IPO5: variants seen among roughly 807,000 people sequenced by gnomAD.
The protein encoded by IPO5 is importin-5.
In IPO5, 18 loss-of-function variants were observed where a neutral mutation model predicts 143.3. The ratio of observed to expected loss-of-function variants is 0.13; its 90% CI spans 0.09 to 0.19. The LOEUF (loss-of-function observed/expected upper bound fraction) is 0.19, where lower values mean the gene tolerates loss of function less well. Ranked by LOEUF, IPO5 falls within the 10% of genes least tolerant of loss-of-function variation. IPO5 has a pLI of 1.00. For missense variants in IPO5, 1,013 were observed against 1,336.9 expected (o/e 0.76, Z 3.78); for synonymous variants, 477 against 465.7 (o/e 1.02, Z -0.31).
intron 20 of IPO5, among the ~76,000 whole-genome samples, chr13:98,010,989 C>T (rs1381090492): frequency 6.6e-6 from 1 of 151,686 alleles, no homozygotes; most frequent in African/African-American, 2.4e-5. Flanking sequence ...CCATTTTGGC[C>T]AGGCTGGTTT....
intron 11 of IPO5, among the ~76,000 whole-genome samples, chr13:97,995,513 TGGGAGGCCGAGGCAGGTG>T: frequency 6.6e-6 from 1 of 151,710 alleles, no homozygotes; most frequent in Admixed American, 6.6e-5. Flanking sequence ...CTCAGCACTT[TGGGAGGCCGAGGCAGGTG>T]GATCACGAGG....
intron 3 of IPO5, among the ~76,000 whole-genome samples, chr13:97,974,431 C>T (rs975082246): frequency 2.6e-5 from 4 of 151,728 alleles, no homozygotes; most frequent in Non-Finnish European, 5.9e-5. Flanking sequence ...CTCAGCCTCC[C>T]GAGTAGCTGG....
chr13:97,990,668 G>T, intron 9 of IPO5, 131 bp downstream of exon 9: 1 of 528,248 alleles, frequency 1.9e-6, no homozygotes, highest in Non-Finnish European at 3.3e-6. Flanking sequence ...AACAAAACAT[G>T]CAAATCTCAG....
At chr13:97,960,715 C>G (rs942495067) in intron 2 of IPO5, among the ~76,000 whole-genome samples, 2 of 151,968 alleles carry the variant, frequency 1.3e-5, no homozygotes, top group African/African-American at 4.8e-5. Context: ...CGCACCACTA[C>G]GCCCAGCTAA....
intron 27 of IPO5, among the ~76,000 whole-genome samples, chr13:98,020,679 G>A (rs1162661119): frequency 6.6e-6 from 1 of 152,116 alleles, no homozygotes; most frequent in East Asian, 1.9e-4. Context: ...AGTTATTTTA[G>A]AAGCTATTTT....
chr13:97,971,301 C>T (rs1885809156), intron 3 of IPO5, among the ~76,000 whole-genome samples: 1 of 152,188 alleles, frequency 6.6e-6, no homozygotes, highest in Admixed American at 6.6e-5. Flanking sequence ...TGTTAGGGTC[C>T]CACTTGCCCC....
rs747149763 is a variant in IPO5, at chr13:98,021,739, T to G, written c.3211T>G (p.Ser1071Ala). Residue 1071 changes from serine to alanine, a missense_variant, in exon 29 of 29, where the codon TCT (serine) becomes GCT (alanine). By Grantham distance (99) the Ser-to-Ala change is moderately conservative (BLOSUM62 1). Transcript: ENST00000651721. ...LANVVRQVQT[S>A]GGLWTECIAQ... ...GTGAAAATGTTTCTTTCCCTAGACT[T>G]CTGGAGGACTGTGGACTGAGTGCAT... 1.9e-6 allele frequency: 3 copies of G among 1,542,494 alleles called. No homozygotes were observed. Among genetic ancestry groups the G allele is most frequent in the Non-Finnish European group, 2.7e-6 (3 of 1,131,276 alleles).
chr13:98,007,970 A>G (rs1594114289), intron 17 of IPO5, 89 bp from the exon 18 acceptor site: 3 of 715,160 alleles, frequency 4.2e-6, no homozygotes, highest in East Asian at 5.1e-5. Context: ...TATGTGGGCA[A>G]TGTAGTCGAT....
chr13:97,965,471 C>T (rs1054975402), intron 2 of IPO5, among the ~76,000 whole-genome samples: 2 of 152,108 alleles, frequency 1.3e-5, no homozygotes, highest in African/African-American at 4.8e-5. Context: ...AATATTAAAT[C>T]TCCCAATCCA....
chr13:98,003,202 C>G (rs1250908625), intron 16 of IPO5, among the ~76,000 whole-genome samples, 165 bp downstream of exon 16: 3 of 152,096 alleles, frequency 2.0e-5, no homozygotes, highest in African/African-American at 7.2e-5. Flanking sequence ...TAGAGAAATT[C>G]AGATTGACCA....
At chr13:97,979,684 C>G (rs1366754879) in intron 4 of IPO5, among the ~76,000 whole-genome samples, 2 of 152,146 alleles carry the variant, frequency 1.3e-5, no homozygotes, top group Admixed American at 1.3e-4. Flanking sequence ...CTCATTGACT[C>G]TAATAGAGAA....
chr13:98,011,533 G>A (rs759603431), intron 20 of IPO5, among the ~76,000 whole-genome samples: 8 of 146,510 alleles, frequency 5.5e-5, no homozygotes, highest in African/African-American at 1.8e-4. Context: ...CTCGTGATCC[G>A]TCTAACTCTG....
At chr13:97,982,650 G>C in intron 5 of IPO5, 67 bp downstream of exon 5, 4 of 991,150 alleles carry the variant, frequency 4.0e-6, no homozygotes, top group Non-Finnish European at 6.3e-6. Flanking sequence ...GATCATAGTA[G>C]AAATTAGAGA....
At chr13:97,967,821 C>T (rs527799991) in intron 2 of IPO5, among the ~76,000 whole-genome samples, 6 of 152,180 alleles carry the variant, frequency 3.9e-5, no homozygotes, top group Admixed American at 6.6e-5. Context: ...TTAGCAGAGA[C>T]GGCGTTTCAC....
rs1566587788 is a variant in IPO5, at chr13:98,023,994, T to TAGGG, written c.*2173_*2176dup. 6.6e-6 allele frequency: 1 copy of TAGGG among 152,160 alleles called. No individual in the cohort carries two copies. The allele number at this position is 152,160 out of a possible 1,614,324, so 9.4% of individuals were successfully genotyped here. On this transcript the variant is annotated 3_prime_UTR_variant, in exon 29 of 29. Transcript: ENST00000651721. Reference sequence around the variant, plus strand: ...TTTTTCTTGGCTTTTGTACCAAATTTAGGGGTCTTGCATGTCAGCAAGTGA... The same window carrying TAGGG: ...TTTTTCTTGGCTTTTGTACCAAATTTAGGGAGGGGTCTTGCATGTCAGCAAGTGA...
chr13:98,017,008 A>G (rs990900879), intron 25 of IPO5, among the ~76,000 whole-genome samples, 157 bp downstream of exon 25: 5 of 152,160 alleles, frequency 3.3e-5, no homozygotes, highest in Non-Finnish European at 5.9e-5. Flanking sequence ...ATTACCCTGG[A>G]TATTTTCTCA....
Position 97,991,890 on chromosome 13 carries a change from G to A in IPO5, c.670-1002G>A, listed in dbSNP as rs911782490. Among the ~76,000 whole-genome samples the A allele has an allele frequency of 3.3e-5, 5 of 152,224 alleles. No individual in the cohort carries two copies. The East Asian group carries it at 9.6e-4, about 29-fold the overall frequency. ...TGAGAAGATCATGTAAGTCCCTTGT[G>A]CTTGTGTCACAGGTGCAGGACATTT... On this transcript the variant is annotated intron_variant, in intron 9 of 28. Coordinates refer to ENST00000651721, the MANE Select transcript of IPO5 (RefSeq NM_002271.6).
rs77221920 is a variant in IPO5, at chr13:97,987,983, C to G, written c.365-1079C>G. The G allele has an allele frequency of 1.9e-3, 579 of 305,496 alleles. 2 individuals are homozygous for G. Among genetic ancestry groups the G allele is most frequent in the African/African-American group, 0.012 (537 of 46,136 alleles). The allele number at this position is 305,496 out of a possible 1,614,324, so 18.9% of individuals were successfully genotyped here. A position where few individuals can be genotyped will look rare whatever the true frequency, so the allele number is the denominator to read the frequency against. On this transcript the variant is annotated intron_variant, in intron 6 of 28. Coordinates refer to ENST00000651721, the MANE Select transcript of IPO5 (RefSeq NM_002271.6). ...TTTTTAAGCTGCTATTTTATTTCCCCTCAAAGCATCATCTTTAGGTTGAAG... is the reference window on the plus strand; with the variant it reads ...TTTTTAAGCTGCTATTTTATTTCCCGTCAAAGCATCATCTTTAGGTTGAAG...
At chr13:97,994,922 T>A (rs1299303905) in intron 11 of IPO5, among the ~76,000 whole-genome samples, 1 of 152,136 alleles carries the variant, frequency 6.6e-6, no homozygotes, top group African/African-American at 2.4e-5. Context: ...GCTGCTGAGT[T>A]TGAGACCAGC....
Sources: gnomAD v4.1 joint callset for allele counts (sites outside exome capture counted in the v4.1 genomes callset) on GRCh38, gnomAD v4.1.1 for gene constraint, MANE v1.5 for transcripts, NCBI Gene and HGNC (gene_info 2026-07-23, HGNC 2026-07-21) for gene names.